The following ZNF83 variants were observed in gnomAD, a reference collection of about 807,000 sequenced individuals.
ZNF83 encodes the protein zinc finger protein 83.
For missense variants in ZNF83, 552 were observed against 629.9 expected, an observed-to-expected ratio of 0.88 and a Z score of 1.32; for synonymous variants, 209 against 213.0, an observed-to-expected ratio of 0.98 and a Z score of 0.17.
intron 2 of ZNF83, chr19:52,618,973 A>G (rs10402824): frequency 0.21 from 291,069 of 1,403,952 alleles, 67,691 homozygotes; most frequent in South Asian, 0.28. Context: ...CCAACATCAC[A>G]TCTCTGTATA....
intron 1 of ZNF83, among the ~76,000 whole-genome samples, chr19:52,689,699 C>G (rs6509675): frequency 0.056 from 8,466 of 150,486 alleles, 566 homozygotes; most frequent in African/African-American, 0.17. Context: ...TTTGCCATCT[C>G]TTATGGCTCT....
chr19:52,685,045 GCT>G (rs1237678650), intron 1 of ZNF83, among the ~76,000 whole-genome samples: 2 of 152,164 alleles, frequency 1.3e-5, no homozygotes, highest in Non-Finnish European at 2.9e-5. Flanking sequence ...TGAGTCTACC[GCT>G]CTGTTTCTTC....
chr19:52,655,567 A>C, exon 3 of ZNF83: 2 of 1,500,774 alleles, frequency 1.3e-6, no homozygotes, highest in East Asian at 4.5e-5. Flanking sequence ...TCACCCACAG[A>C]CTCCAGGTTC....
intron 3 of ZNF83, among the ~76,000 whole-genome samples, chr19:52,649,895 A>G (rs2061420881): frequency 6.6e-6 from 1 of 152,156 alleles, no homozygotes; most frequent in African/African-American, 2.4e-5. Context: ...AACCAAAGCA[A>G]AAAGAAAAAT....
chr19:52,666,095 C>T lies in ZNF83; in HGVS notation c.-282-5252G>A, dbSNP rs150810573. On this transcript the variant is annotated intron_variant, in intron 1 of 5. Coordinates refer to the ZNF83 transcript ENST00000594682. Reference sequence around the variant, plus strand: ...GGGAGAATGGTGTGAACCCGGGAGGCGGAGCTTGCAGTGAGCCAAGATCGC... The same window carrying T: ...GGGAGAATGGTGTGAACCCGGGAGGTGGAGCTTGCAGTGAGCCAAGATCGC... 8.7e-3 allele frequency among the ~76,000 whole-genome samples: 1,284 copies of T among 147,102 alleles called. 22 individuals carry two copies. The highest frequency in any genetic ancestry group is 0.03 in the African/African-American group (1,194 of 39,782).
chr19:52,687,578 T>TTATA (rs35178808), intron 1 of ZNF83, among the ~76,000 whole-genome samples: 1 of 38,576 alleles, frequency 2.6e-5, no homozygotes. Context: ...TATATAAATT[T>TTATA]TATATATATA....
At position 52,630,196 on chromosome 19, in the gene ZNF83, A is replaced by G. The variant is rs985525728; in HGVS notation, c.-234+4870T>C. Among the ~76,000 whole-genome samples, 18 of 152,100 alleles carry G rather than the reference A, an allele frequency of 1.2e-4. 1 individual carries two copies. The highest frequency in any genetic ancestry group is 1.2e-3 in the Admixed American group (18 of 15,280). ...CCCAGAGCCCCTGGAACGCTGGCCCATGGCTCTCTGACTGACTCCTTCCCA... is the reference window on the plus strand; with the variant it reads ...CCCAGAGCCCCTGGAACGCTGGCCCGTGGCTCTCTGACTGACTCCTTCCCA... On this transcript the variant is annotated intron_variant, in intron 2 of 2. Transcript: ENST00000301096.
At chr19:52,653,650 T>C (rs1434565882) in intron 3 of ZNF83, among the ~76,000 whole-genome samples, 1 of 152,170 alleles carries the variant, frequency 6.6e-6, no homozygotes, top group Non-Finnish European at 1.5e-5. Flanking sequence ...ATTACACTTG[T>C]AAGGTTTTTC....
chr19:52,685,126 T>G (rs1600280443), intron 1 of ZNF83, among the ~76,000 whole-genome samples: 1 of 152,116 alleles, frequency 6.6e-6, no homozygotes, highest in East Asian at 1.9e-4. Flanking sequence ...AACTGGGCAC[T>G]CCCCTCTCCC....
chr19:52,614,614 TA>T lies in ZNF83; in HGVS notation c.-51del. The T allele has an allele frequency of 6.7e-7, 1 of 1,498,504 alleles. No homozygotes were observed. The highest frequency in any genetic ancestry group is 8.9e-7 in the Non-Finnish European group (1 of 1,122,694). The allele number at this position is 1,498,504 out of a possible 1,614,324, so 92.8% of individuals were successfully genotyped here. A position where few individuals can be genotyped will look rare whatever the true frequency, so the allele number is the denominator to read the frequency against. On this transcript the variant is annotated 5_prime_UTR_variant, in exon 3 of 3. The change creates a premature stop within an existing upstream ORF in the 5' untranslated region. Coordinates refer to ENST00000301096, the Ensembl canonical transcript of ZNF83. Reference sequence around the variant, plus strand: ...CTTATAGGTCACACGCACTCGCTTATAATGTCTTCAATCATGTTTCCACAGA... The same window carrying T: ...CTTATAGGTCACACGCACTCGCTTATATGTCTTCAATCATGTTTCCACAGA...
chr19:52,615,300 A>G (rs2060265644), intron 2 of ZNF83, among the ~76,000 whole-genome samples: 1 of 151,556 alleles, frequency 6.6e-6, no homozygotes, highest in Non-Finnish European at 1.5e-5. Context: ...CCCCAATATT[A>G]TGTTATTGCA....
chr19:52,646,218 G>T (rs1478662672), intron 3 of ZNF83, among the ~76,000 whole-genome samples: 1 of 152,134 alleles, frequency 6.6e-6, no homozygotes, highest in Non-Finnish European at 1.5e-5. Flanking sequence ...GGGATTACAG[G>T]CATGAGCCAC....
intron 3 of ZNF83, chr19:52,654,328 G>A (rs2061479700): frequency 2.8e-6 from 4 of 1,422,242 alleles, no homozygotes; most frequent in Non-Finnish European, 3.9e-6. Flanking sequence ...TCTTTGCAAT[G>A]TCCCTGTGTG....
intron 1 of ZNF83, among the ~76,000 whole-genome samples, chr19:52,671,536 G>T (rs2061726040): frequency 6.6e-6 from 1 of 151,836 alleles, no homozygotes; most frequent in South Asian, 2.1e-4. Flanking sequence ...CTCAACCTCT[G>T]GTGCTCAAGC....
chr19:52,663,184 CAGG>C (rs1382516946), intron 1 of ZNF83, among the ~76,000 whole-genome samples: 1 of 151,938 alleles, frequency 6.6e-6, no homozygotes, highest in Non-Finnish European at 1.5e-5. Flanking sequence ...AAAAAAATTC[CAGG>C]ACCATCTGTT....
intron 2 of ZNF83, among the ~76,000 whole-genome samples, chr19:52,625,308 T>C (rs1275941201): frequency 2.0e-5 from 3 of 152,188 alleles, no homozygotes; most frequent in Non-Finnish European, 2.9e-5. Flanking sequence ...ACCATGCTGT[T>C]ATATGGGCTG....
intron 1 of ZNF83, among the ~76,000 whole-genome samples, chr19:52,676,118 T>C (rs1600263105): frequency 6.6e-6 from 1 of 152,174 alleles, no homozygotes; most frequent in African/African-American, 2.4e-5. Context: ...GTGCCTGCAA[T>C]TGCAGGCGCG....
At chr19:52,686,654 A>T (rs2062022214) in intron 1 of ZNF83, among the ~76,000 whole-genome samples, 1 of 151,998 alleles carries the variant, frequency 6.6e-6, no homozygotes, top group Non-Finnish European at 1.5e-5. Flanking sequence ...GCTCACTGCA[A>T]CCTCTACCTC....
At chr19:52,673,404 G>A (rs1033000452) in intron 1 of ZNF83, among the ~76,000 whole-genome samples, 1 of 152,172 alleles carries the variant, frequency 6.6e-6, no homozygotes, top group Non-Finnish European at 1.5e-5. Context: ...TCAGGAGGCT[G>A]TGGCAGGAGA....
Sources: allele counts gnomAD v4.1 joint callset (sites outside exome capture counted in the v4.1 genomes callset), GRCh38; gene constraint gnomAD v4.1.1; transcripts MANE v1.5; gene names NCBI Gene and HGNC (gene_info 2026-07-23, HGNC 2026-07-21).